Variants in ATPAF2 observed in about 807,000 individuals in gnomAD.
ATPAF2 encodes the protein ATP synthase mitochondrial F1 complex assembly factor 2.
In ATPAF2, 30 loss-of-function variants were observed where a neutral mutation model predicts 36.6. The observed-to-expected ratio is 0.82, with a 90% CI of 0.61 to 1.11. ATPAF2 has a LOEUF of 1.11. ATPAF2 is among the 50% of genes most tolerant of loss of function. The pLI is 0.00. For synonymous variants in ATPAF2, 140 were observed against 152.6 expected (o/e 0.92, Z 0.61); for missense variants, 321 against 372.3 (o/e 0.86, Z 1.13).
In ATPAF2 at chr17:18,021,313, C is replaced by T; in HGVS notation, c.617-75G>A. On this transcript the variant is annotated intron_variant, in intron 6 of 7. Transcript: ENST00000474627. Reference sequence around the variant, plus strand: ...ACCTACCCCTTGTGAGTCCCAGCAGCCCTAGCAGAGAACAGGAGTGAGTGG... The same window carrying T: ...ACCTACCCCTTGTGAGTCCCAGCAGTCCTAGCAGAGAACAGGAGTGAGTGG... 5 of 1,137,636 alleles carry T rather than the reference C, an allele frequency of 4.4e-6. No individual in the cohort carries two copies. In the South Asian group the frequency reaches 5.2e-5, roughly 12 times the overall value. 70.5% of individuals were successfully genotyped at this position (1,137,636 alleles called of 1,614,324 possible). A position where few individuals can be genotyped will look rare whatever the true frequency, so the allele number is the denominator to read the frequency against.
chr17:18,030,320 CAAAAAA>C (rs1162130285), intron 1 of ATPAF2, among the ~76,000 whole-genome samples: 1 of 64,112 alleles, frequency 1.6e-5, no homozygotes. Context: ...GACTCCATCT[CAAAAAA>C]AAAAAAAAAA....
chr17:18,025,935 A>G (rs780190584), intron 4 of ATPAF2: 10 of 345,342 alleles, frequency 2.9e-5, no homozygotes, highest in Non-Finnish European at 5.0e-5. Flanking sequence ...GAACTGGAGA[A>G]GGACACTCCT....
intron 7 of ATPAF2, 139 bp downstream of exon 7, chr17:18,020,984 C>A (rs2044461264): frequency 1.4e-6 from 2 of 1,457,142 alleles, no homozygotes; most frequent in Non-Finnish European, 1.8e-6. Context: ...TTCTGCTGGT[C>A]CTTGATTTTG....
chr17:18,039,059 G>A lies in ATPAF2; in HGVS notation c.-46C>T. 1 of 1,558,534 alleles carries A rather than the reference G, an allele frequency of 6.4e-7. No individual in the cohort carries two copies. Among genetic ancestry groups the A allele is most frequent in the Non-Finnish European group, 8.7e-7 (1 of 1,151,350 alleles). Reference sequence around the variant, plus strand: ...GATGCGAGACGCGAAACCTGGAGCAGGAAACACAGAGCGATGGGATCCCCA... The same window carrying A: ...GATGCGAGACGCGAAACCTGGAGCAAGAAACACAGAGCGATGGGATCCCCA... On this transcript the variant is annotated 5_prime_UTR_variant, in exon 1 of 8. Coordinates refer to ENST00000474627, the MANE Select transcript of ATPAF2 (RefSeq NM_145691.4). This position sits in a 1 kb window ranked among gnomAD's most constrained non-coding sequence, Gnocchi z 5.3.
At chr17:18,036,936 TG>T (rs1323292343) in intron 1 of ATPAF2, among the ~76,000 whole-genome samples, 1 of 152,082 alleles carries the variant, frequency 6.6e-6, no homozygotes, top group Non-Finnish European at 1.5e-5. Context: ...CCACGTGTGG[TG>T]GCGGACACCT....
downstream of ATPAF2, among the ~76,000 whole-genome samples, chr17:18,017,536 G>C (rs910883248): frequency 1.3e-5 from 2 of 152,238 alleles, no homozygotes; most frequent in Non-Finnish European, 2.9e-5. Flanking sequence ...CCCTCCAGAA[G>C]AGCAGAGTGC....
Position 18,021,174 on chromosome 17 carries a change from G to A in ATPAF2, c.681C>T (p.Arg227=). The change falls in exon 7 of 8, where the codon CGC becomes CGT. Residue 227 remains arginine, a synonymous_variant. Transcript: ENST00000474627. ...MVLTLGLIDL[R]LTVEQAVLLS... is the part of the protein sequence containing the mutation. ...GCAGCACGGCCTGCTCCACTGTCAG[G>A]CGCAGGTCAATCAGGCCCAAGGTTA... 6.2e-7 allele frequency: 1 copy of A among 1,613,988 alleles called. No individual in the cohort carries two copies. Among genetic ancestry groups the A allele is most frequent in the Non-Finnish European group, 8.5e-7 (1 of 1,180,008 alleles).
At chr17:18,028,049 G>C (rs962963504) in intron 3 of ATPAF2, 183 bp downstream of exon 3, 8 of 718,148 alleles carry the variant, frequency 1.1e-5, no homozygotes, top group African/African-American at 7.0e-5. Flanking sequence ...AGAGAGAGCT[G>C]CAAGTAGCCG....
chr17:18,019,187 C>CA (rs1256217214), intron 7 of ATPAF2, among the ~76,000 whole-genome samples: 2 of 40,428 alleles, frequency 4.9e-5, no homozygotes, highest in Non-Finnish European at 1.2e-4. Context: ...ACACACACAC[C>CA]CCACCACCCC....
At chr17:18,030,302 C>T (rs1476090959) in intron 1 of ATPAF2, among the ~76,000 whole-genome samples, 3 of 108,006 alleles carry the variant, frequency 2.8e-5, no homozygotes, top group Admixed American at 1.4e-4. Flanking sequence ...GCCTGGGTGG[C>T]AGAGCAAGAC....
intron 1 of ATPAF2, among the ~76,000 whole-genome samples, chr17:18,030,534 AAC>A (rs1274002883): frequency 6.7e-6 from 1 of 150,188 alleles, no homozygotes; most frequent in African/African-American, 2.4e-5. Context: ...AAAAAAAAAA[AAC>A]AAGCTTAAGT....
At chr17:18,027,464 G>C (rs1419975477) in intron 3 of ATPAF2, among the ~76,000 whole-genome samples, 3 of 152,154 alleles carry the variant, frequency 2.0e-5, no homozygotes, top group African/African-American at 4.8e-5. Flanking sequence ...CAGTGCTGGG[G>C]ACCATGCCAA....
At chr17:18,030,091 C>T (rs951716067) in intron 1 of ATPAF2, among the ~76,000 whole-genome samples, 2 of 149,356 alleles carry the variant, frequency 1.3e-5, no homozygotes, top group South Asian at 2.2e-4. Context: ...GAGGCGGAGG[C>T]GGGTGGATCA....
chr17:18,015,837 C>T (rs2044340723), downstream of ATPAF2: 2 of 486,758 alleles, frequency 4.1e-6, no homozygotes, highest in Non-Finnish European at 7.4e-6. Context: ...AAGTAACACC[C>T]TGGTTGGCCC....
rs1217553244 is a variant in ATPAF2 at position 18,018,399 on chromosome 17, C to T, written c.*150G>A. 15 of 1,128,952 alleles carry T rather than the reference C, an allele frequency of 1.3e-5. No homozygotes were observed. The highest frequency in any genetic ancestry group is 9.5e-5 in the East Asian group (4 of 42,138). 69.9% of individuals were successfully genotyped at this position (1,128,952 alleles called of 1,614,324 possible). A position where few individuals can be genotyped will look rare whatever the true frequency, so the allele number is the denominator to read the frequency against. ...GCTGACCTCCGGACAGCCGTACTAG[C>T]GCACTGTGTCTCGGGGGGAATCTCA... On this transcript the variant is annotated 3_prime_UTR_variant, in exon 8 of 8. Transcript: ENST00000474627.
intron 1 of ATPAF2, among the ~76,000 whole-genome samples, chr17:18,037,456 C>G (rs1263856772): frequency 2.6e-5 from 4 of 152,120 alleles, no homozygotes; most frequent in Admixed American, 2.0e-4. Flanking sequence ...TGGTGGCAGA[C>G]GCCTGTAGTC....
At position 18,021,742 on chromosome 17, in the gene ATPAF2, T is replaced by A. The variant is rs553417858; in HGVS notation, c.616+3A>T. 5.6e-6 allele frequency: 9 copies of A among 1,613,546 alleles called. No homozygotes were observed. The African/African-American group carries it at 9.3e-5, about 17-fold the overall frequency. On this transcript the variant is annotated splice_donor_region_variant and intron_variant, in intron 6 of 7. Transcript: ENST00000474627. ...CCAAGCCCACAAGAAACTCCATACATGCCTTGTAAAGCCCATGTGTTGTAA... is the reference window on the plus strand; with the variant it reads ...CCAAGCCCACAAGAAACTCCATACAAGCCTTGTAAAGCCCATGTGTTGTAA...
rs145259517 is a variant in ATPAF2, at chr17:18,038,934, A to G, written c.80T>C (p.Met27Thr). 32 of 1,612,396 alleles carry G rather than the reference A, an allele frequency of 2.0e-5. No homozygotes were observed. Among genetic ancestry groups the G allele is most frequent in the Middle Eastern group, 1.6e-4 (1 of 6,074 alleles). ...AGACGGGATGGTTGGCCCCGGACTCATAGAAGCGCTGGGGCCACCCGCCGG... is the reference window on the plus strand; with the variant it reads ...AGACGGGATGGTTGGCCCCGGACTCGTAGAAGCGCTGGGGCCACCCGCCGG... ...NRPAGGPSAS[M>T]SPGPTIPSPA... Residue 27 changes from methionine to threonine, a missense_variant, in exon 1 of 8, where the codon ATG becomes ACG. This residue lies in a region of ATPAF2 where 69 missense variants were observed against 60.1 expected (regional missense o/e 1.15). Coordinates refer to ENST00000474627, the MANE Select transcript of ATPAF2 (RefSeq NM_145691.4).
At chr17:18,015,261 G>T (rs2044314736), downstream of ATPAF2, 2 of 152,148 alleles carry the variant, frequency 1.3e-5, no homozygotes, top group Admixed American at 1.3e-4. Context: ...TGCCACTACA[G>T]GAAAGAACAA....
Sources: allele counts gnomAD v4.1 joint callset (sites outside exome capture counted in the v4.1 genomes callset), GRCh38; gene constraint gnomAD v4.1.1; regional missense constraint gnomAD v4.1.1; non-coding constraint Gnocchi (gnomAD v3.1); transcripts MANE v1.5; gene names NCBI Gene and HGNC (gene_info 2026-07-23, HGNC 2026-07-21).